The following ANKRD44 variants were observed in gnomAD, a reference collection of about 807,000 sequenced individuals.
ANKRD44 encodes the protein ankyrin repeat domain 44, also known as serine/threonine-protein phosphatase 6 regulatory ankyrin repeat subunit B.
ANKRD44 carries 35 observed loss-of-function variants against 116.0 expected under a neutral mutation model. The observed-to-expected ratio is 0.30, with a 90% CI of 0.23 to 0.40. The LOEUF (loss-of-function observed/expected upper bound fraction) is 0.40. Ranked by LOEUF, ANKRD44 falls within the 10% of genes least tolerant of loss-of-function variation. ANKRD44 has a pLI of 1.00. For synonymous variants in ANKRD44, 435 were observed against 461.8 expected (o/e 0.94, Z 0.74); for missense variants, 1,014 against 1,242.6 (o/e 0.82, Z 2.77).
rs1247658029 is a variant in ANKRD44, at chr2:197,008,980, T to C, written c.1976A>G (p.Asn659Ser). The C allele has an allele frequency of 1.9e-6, 3 of 1,614,014 alleles. No homozygotes were observed. In the African/African-American group the frequency reaches 4.0e-5, roughly 22 times the overall value. The change falls in exon 19 of 28, where the codon AAC (asparagine) becomes AGC (serine). Residue 659 changes from asparagine (N) to serine (S), a missense_variant. Physicochemically the swap from Asn to Ser is conservative, Grantham distance 46. Coordinates refer to ENST00000282272, the MANE Select transcript of ANKRD44 (RefSeq NM_001195144.2). ...ATCTTTCACATCGACCGCCTCCGGG[T>C]TGTCTGCAATTTCTAGCAACAGCCG... ...CLRLLLEIAD[N>S]PEAVDVKDAK...
intron 2 of ANKRD44, among the ~76,000 whole-genome samples, chr2:197,148,686 C>T (rs2079566235): frequency 6.6e-6 from 1 of 152,142 alleles, no homozygotes; most frequent in African/African-American, 2.4e-5. Flanking sequence ...GATCTTCAAA[C>T]CAGTCTATTT....
At chr2:197,152,744 T>G (rs1460003473) in intron 2 of ANKRD44, among the ~76,000 whole-genome samples, 1 of 152,166 alleles carries the variant, frequency 6.6e-6, no homozygotes, top group African/African-American at 2.4e-5. Context: ...CCTACGCCTG[T>G]TTTGAAGATT....
intron 21 of ANKRD44, among the ~76,000 whole-genome samples, chr2:196,979,816 C>T (rs933040268): frequency 6.6e-6 from 1 of 152,044 alleles, no homozygotes; most frequent in African/African-American, 2.4e-5. Context: ...CCCACCTAGG[C>T]CTCCCAAAGT....
At chr2:197,196,359 A>C (rs2080948717) in intron 1 of ANKRD44, among the ~76,000 whole-genome samples, 1 of 152,236 alleles carries the variant, frequency 6.6e-6, no homozygotes, top group Non-Finnish European at 1.5e-5. Flanking sequence ...TTTAGGGTGC[A>C]CTGGAAAACA....
intron 13 of ANKRD44, among the ~76,000 whole-genome samples, chr2:197,085,135 G>C (rs1354426552): frequency 6.6e-6 from 1 of 152,146 alleles, no homozygotes; most frequent in Non-Finnish European, 1.5e-5. Flanking sequence ...CAGTTTTCAA[G>C]TATAATTATT....
rs562851801 is a variant in ANKRD44 at position 197,104,736 on chromosome 2, C to T, written c.986-4806G>A. 7.8e-4 allele frequency among the ~76,000 whole-genome samples: 119 copies of T among 152,290 alleles called. No homozygotes were observed. In the South Asian group the frequency reaches 0.023, roughly 29 times the overall value. On this transcript the variant is annotated intron_variant, in intron 9 of 27. Transcript: ENST00000282272. ...CCCAACATTTATTTTCAGCAAACAA[C>T]GCTTTTTCTAGCCAAGTGTACTGGC...
chr2:197,154,315 G>C (rs2079748605), intron 2 of ANKRD44, among the ~76,000 whole-genome samples: 1 of 151,550 alleles, frequency 6.6e-6, no homozygotes, highest in African/African-American at 2.4e-5. Flanking sequence ...AAGTAGCTGG[G>C]ACTACAGGCG....
intron 1 of ANKRD44, among the ~76,000 whole-genome samples, chr2:197,287,021 CAT>C (rs2083425675): frequency 6.6e-6 from 1 of 152,106 alleles, no homozygotes; most frequent in African/African-American, 2.4e-5. Flanking sequence ...ATGGTGGATA[CAT>C]GTCATTATAC....
chr2:197,112,525 C>T (rs909914256), intron 8 of ANKRD44, among the ~76,000 whole-genome samples: 3 of 151,758 alleles, frequency 2.0e-5, no homozygotes, highest in South Asian at 2.1e-4. Flanking sequence ...TTGGCTAGCA[C>T]GGTGAAACCC....
intron 4 of ANKRD44, 56 bp downstream of exon 4, chr2:197,136,536 G>T (rs1226368709): frequency 6.6e-7 from 1 of 1,523,214 alleles, no homozygotes; most frequent in Non-Finnish European, 9.1e-7. Context: ...TCGCTAGCAA[G>T]ACTTTTTCTT....
chr2:197,148,878 C>T (rs553792849), intron 2 of ANKRD44, among the ~76,000 whole-genome samples: 1 of 152,090 alleles, frequency 6.6e-6, no homozygotes, highest in African/African-American at 2.4e-5. Flanking sequence ...AAATTCAGTA[C>T]GATATATGAC....
At chr2:197,021,442 C>T (rs1185791809) in intron 17 of ANKRD44, among the ~76,000 whole-genome samples, 1 of 152,216 alleles carries the variant, frequency 6.6e-6, no homozygotes, top group Admixed American at 6.5e-5. Flanking sequence ...TCCTATTTCT[C>T]CACATCCTCT....
chr2:196,983,207 A>G (rs577840865), downstream of ANKRD44, among the ~76,000 whole-genome samples: 7 of 152,210 alleles, frequency 4.6e-5, no homozygotes, highest in African/African-American at 1.7e-4. Flanking sequence ...AAAATAAAAA[A>G]TAAAAATGAC....
intron 2 of ANKRD44, among the ~76,000 whole-genome samples, chr2:197,159,031 A>T (rs762418596): frequency 1.3e-5 from 2 of 152,146 alleles, no homozygotes; most frequent in Non-Finnish European, 2.9e-5. Context: ...ACACGGTATT[A>T]GAAAAAGTTA....
rs2081096250 is a variant in ANKRD44, at chr2:197,201,764, G to A, written c.28-14658C>T. On this transcript the variant is annotated intron_variant, in intron 1 of 27. Transcript: ENST00000282272. This position sits in a 1 kb window ranked among gnomAD's most constrained non-coding sequence, Gnocchi z 4.0. The stretch of plus-strand genomic sequence containing the variant: ...TGATGCTAAGGTTTGGGCTTCTAAT[G>A]ATCCCATCGCCCAAGTAGTGAACAT... Among the ~76,000 whole-genome samples the A allele has an allele frequency of 6.6e-6, 1 of 152,176 alleles. No individual in the cohort carries two copies. Among genetic ancestry groups the A allele is most frequent in the Admixed American group, 6.5e-5 (1 of 15,276 alleles).
chr2:197,190,996 AT>A (rs752386295), intron 1 of ANKRD44, among the ~76,000 whole-genome samples: 4 of 152,238 alleles, frequency 2.6e-5, no homozygotes, highest in African/African-American at 4.8e-5. Context: ...AGAAAAACAA[AT>A]AGTGGTAGGA....
intron 1 of ANKRD44, among the ~76,000 whole-genome samples, chr2:197,278,296 C>CT (rs1042712077): frequency 6.1e-5 from 7 of 114,234 alleles, no homozygotes; most frequent in Middle Eastern, 4.3e-3. Flanking sequence ...TGAAATCCAT[C>CT]TTTTTTTCTG....
In ANKRD44 at chr2:197,126,033, G is replaced by A; in HGVS notation, c.266C>T (p.Ala89Val). ...HRAVASRSEE[A>V]VQVLIKHSAD... ...TGAGTGCTTAATCAAAACCTGTACT[G>A]CTTCCTACAACAAAAGCAGAGTTTG... is the stretch of plus-strand genomic sequence containing the variant. The change falls in exon 5 of 28, where the codon GCA becomes GTA. Residue 89 changes from alanine to valine, a missense_variant. Transcript: ENST00000282272. 1 of 1,614,128 alleles carries A rather than the reference G, an allele frequency of 6.2e-7. No individual in the cohort carries two copies. The highest frequency in any genetic ancestry group is 8.5e-7 in the Non-Finnish European group (1 of 1,180,006).
chr2:196,988,133 C>G lies in ANKRD44; in HGVS notation c.*1458G>C. ...CGTCTCATGGTGAGTCACTGCTTTG[C>G]TGAAATGATTCTTGTACTCTCTGCT... On this transcript the variant is annotated 3_prime_UTR_variant, in exon 28 of 28. Coordinates refer to ENST00000282272, the MANE Select transcript of ANKRD44 (RefSeq NM_001195144.2). 1.0e-6 allele frequency: 1 copy of G among 985,342 alleles called. No homozygotes were observed. Among genetic ancestry groups the G allele is most frequent in the Non-Finnish European group, 1.2e-6 (1 of 829,914 alleles). 61.0% of individuals were successfully genotyped at this position (985,342 alleles called of 1,614,324 possible).
Sources: allele counts gnomAD v4.1 joint callset (sites outside exome capture counted in the v4.1 genomes callset), GRCh38; gene constraint gnomAD v4.1.1; non-coding constraint Gnocchi (gnomAD v3.1); transcripts MANE v1.5; gene names NCBI Gene and HGNC (gene_info 2026-07-23, HGNC 2026-07-21).